MYO9B: variants seen among roughly 807,000 people sequenced by gnomAD.
MYO9B encodes myosin IXB, also known as unconventional myosin-IXb.
Under a neutral mutation model 229.5 loss-of-function variants are expected in MYO9B, and 71 were observed. The ratio of observed to expected loss-of-function variants is 0.31; its 90% CI spans 0.26 to 0.38. The LOEUF (loss-of-function observed/expected upper bound fraction) is 0.38, where lower values mean the gene tolerates loss of function less well. Among genes scored for constraint, MYO9B ranks in the 10% least tolerant of loss-of-function variants. The pLI is 1.00. For missense variants in MYO9B, 2,255 were observed against 2,920.5 expected (o/e 0.77, Z 5.25); for synonymous variants, 1,185 against 1,235.8 (o/e 0.96, Z 0.86).
intron 2 of MYO9B, among the ~76,000 whole-genome samples, chr19:17,118,542 T>C (rs2057929847): frequency 6.6e-6 from 1 of 151,978 alleles, no homozygotes; most frequent in Non-Finnish European, 1.5e-5. Flanking sequence ...AGTGTAGTGG[T>C]GCGATCTTGG....
chr19:17,112,540 G>A (rs563507949), intron 2 of MYO9B, among the ~76,000 whole-genome samples: 6 of 152,322 alleles, frequency 3.9e-5, no homozygotes, highest in East Asian at 1.9e-4. Context: ...AACCCCAGCC[G>A]CGGGGATGTG....
chr19:17,156,596 A>G (rs116042119), intron 6 of MYO9B, among the ~76,000 whole-genome samples: 1 of 152,226 alleles, frequency 6.6e-6, no homozygotes, highest in African/African-American at 2.4e-5. Context: ...GGTGGCCTGT[A>G]GTACCAGCTA....
At chr19:17,168,194 T>A in intron 11 of MYO9B, 130 bp downstream of exon 11, 4 of 1,257,072 alleles carry the variant, frequency 3.2e-6, no homozygotes, top group South Asian at 1.4e-5. Flanking sequence ...AGACAGGGTC[T>A]CACTCTGTCA....
At chr19:17,137,749 T>C (rs1029402749) in intron 2 of MYO9B, among the ~76,000 whole-genome samples, 8 of 150,982 alleles carry the variant, frequency 5.3e-5, no homozygotes, top group Non-Finnish European at 1.0e-4. Context: ...GGTCAGATCC[T>C]TTTTTTTTAT....
intron 17 of MYO9B, among the ~76,000 whole-genome samples, chr19:17,185,338 C>T (rs2072906316): frequency 6.7e-6 from 1 of 148,742 alleles, no homozygotes; most frequent in Admixed American, 6.7e-5. Context: ...GGCGCCACTG[C>T]ACTCCAGCCT....
At chr19:17,187,581 TAA>T (rs34376242) in intron 18 of MYO9B, among the ~76,000 whole-genome samples, 149 of 149,142 alleles carry the variant, frequency 1.0e-3, no homozygotes, top group Admixed American at 2.4e-3. Context: ...CTTTTTTTTT[TAA>T]AAAATAAATT....
intron 3 of MYO9B, among the ~76,000 whole-genome samples, chr19:17,146,992 T>C (rs17533945): frequency 0.48 from 72,798 of 152,182 alleles, 18,792 homozygotes; most frequent in African/African-American, 0.68. Flanking sequence ...TAGCTTCATT[T>C]CTTTTTCCCA....
chr19:17,206,159 G>A lies in MYO9B; in HGVS notation c.5257+7G>A, dbSNP rs754249800. Reference sequence around the variant, plus strand: ...CGGCAGGCGCTGCAGACAGGTGGGCGCTGTGGGCAGGTGGGTGCAGTGCCA... The same window carrying A: ...CGGCAGGCGCTGCAGACAGGTGGGCACTGTGGGCAGGTGGGTGCAGTGCCA... On this transcript the variant is annotated splice_region_variant and intron_variant, in intron 32 of 39. Transcript: ENST00000682292. 11 of 1,608,486 alleles carry A rather than the reference G, an allele frequency of 6.8e-6. No individual in the cohort carries two copies. The highest frequency in any genetic ancestry group is 3.3e-5 in the South Asian group (3 of 90,730).
rs923700455 is a variant in MYO9B at position 17,212,446 on chromosome 19, C to T, written c.*136C>T. On this transcript the variant is annotated 3_prime_UTR_variant, in exon 40 of 40. Coordinates refer to ENST00000682292, the MANE Select transcript of MYO9B (RefSeq NM_004145.4). This position sits in a 1 kb window ranked among gnomAD's most constrained non-coding sequence, Gnocchi z 5.4. Reference sequence around the variant, plus strand: ...GCTCAAGAGTGACGTGAGGTGGGCACCGGCCCCAAGTGCAGAGTCAAGGCA... The same window carrying T: ...GCTCAAGAGTGACGTGAGGTGGGCATCGGCCCCAAGTGCAGAGTCAAGGCA... 14 of 1,136,140 alleles carry T rather than the reference C, an allele frequency of 1.2e-5. No individual in the cohort carries two copies. The African/African-American group carries it at 1.9e-4, about 16-fold the overall frequency. 70.4% of individuals were successfully genotyped at this position (1,136,140 alleles called of 1,614,324 possible).
At chr19:17,133,934 T>C (rs938335561) in intron 2 of MYO9B, among the ~76,000 whole-genome samples, 1 of 152,122 alleles carries the variant, frequency 6.6e-6, no homozygotes, top group East Asian at 1.9e-4. Flanking sequence ...CTAATTTTTT[T>C]GTATTTTTAG....
intron 7 of MYO9B, 54 bp from the exon 8 acceptor site, chr19:17,159,341 C>T: frequency 8.7e-6 from 13 of 1,492,998 alleles, no homozygotes; most frequent in Non-Finnish European, 1.1e-5. Flanking sequence ...CAGGACATGC[C>T]TGATAAGTCC....
At chr19:17,132,323 C>G (rs1223975685) in intron 2 of MYO9B, among the ~76,000 whole-genome samples, 2 of 149,038 alleles carry the variant, frequency 1.3e-5, no homozygotes, top group African/African-American at 4.9e-5. Flanking sequence ...GTAGGAGGGA[C>G]TACAGGCTTG....
chr19:17,207,660 G>A (rs2073177556), intron 35 of MYO9B: 2 of 152,354 alleles, frequency 1.3e-5, no homozygotes, highest in Admixed American at 6.6e-5. Context: ...TGGATCACTT[G>A]AAGCCAGGAG....
intron 3 of MYO9B, among the ~76,000 whole-genome samples, chr19:17,148,909 G>A (rs867787537): frequency 4.0e-5 from 6 of 151,888 alleles, no homozygotes; most frequent in African/African-American, 1.2e-4. Context: ...ATTTGTCATC[G>A]GATTTAGGGC....
intron 3 of MYO9B, among the ~76,000 whole-genome samples, chr19:17,152,411 G>A (rs1026879587): frequency 2.7e-5 from 4 of 150,638 alleles, no homozygotes; most frequent in African/African-American, 9.7e-5. Flanking sequence ...ACAAAAATTA[G>A]CTGGGTGGGG....
chr19:17,202,085 C>T lies in MYO9B; in HGVS notation c.4663-45C>T, dbSNP rs776064163. 29 of 1,611,818 alleles carry T rather than the reference C, an allele frequency of 1.8e-5. 1 individual carries two copies. In the Admixed American group the frequency reaches 2.2e-4, roughly 12 times the overall value. On this transcript the variant is annotated intron_variant, in intron 27 of 39. Coordinates refer to ENST00000682292, the MANE Select transcript of MYO9B (RefSeq NM_004145.4). ...CCTGCTCAGACCCGTCATTCCCATC[C>T]GCCCCTTGCCCAGGCCTGCAGGGTG...
At chr19:17,143,154 G>A (rs1488910331) in intron 2 of MYO9B, among the ~76,000 whole-genome samples, 4 of 151,988 alleles carry the variant, frequency 2.6e-5, no homozygotes, top group African/African-American at 9.7e-5. Context: ...CACGAGAATC[G>A]CTTGAACCCG....
chr19:17,164,216 TAAG>T (rs1255662787), intron 10 of MYO9B, among the ~76,000 whole-genome samples: 1 of 152,180 alleles, frequency 6.6e-6, no homozygotes, highest in Non-Finnish European at 1.5e-5. Flanking sequence ...AAGGAAAACT[TAAG>T]AAAACCCACC....
intron 35 of MYO9B, among the ~76,000 whole-genome samples, chr19:17,209,168 A>G (rs2073197125): frequency 6.6e-6 from 1 of 152,178 alleles, no homozygotes; most frequent in Admixed American, 6.5e-5. Context: ...CTCCGAGCTG[A>G]GACCCTCTGA....
Sources: gnomAD v4.1 joint callset for allele counts (sites outside exome capture counted in the v4.1 genomes callset) on GRCh38, gnomAD v4.1.1 for gene constraint, Gnocchi (gnomAD v3.1) non-coding constraint, MANE v1.5 for transcripts, NCBI Gene and HGNC (gene_info 2026-07-23, HGNC 2026-07-21) for gene names.